The following EPC2 variants were observed in gnomAD, a reference collection of about 807,000 sequenced individuals.
The protein encoded by EPC2 is enhancer of polycomb 2, also known as enhancer of polycomb homolog 2.
EPC2 carries 14 observed loss-of-function variants against 92.1 expected under a neutral mutation model. The observed-to-expected ratio is 0.15, with a 90% CI of 0.10 to 0.24. The LOEUF (loss-of-function observed/expected upper bound fraction) is 0.24. Among genes scored for constraint, EPC2 ranks in the 10% least tolerant of loss-of-function variants. The pLI, the probability that EPC2 is intolerant of heterozygous loss-of-function variation, is 1.00. For synonymous variants in EPC2, 340 were observed against 334.7 expected (o/e 1.02, Z -0.17); for missense variants, 755 against 971.5 (o/e 0.78, Z 2.96).
intron 2 of EPC2, among the ~76,000 whole-genome samples, chr2:148,736,065 TA>T (rs1314487053): frequency 2.0e-5 from 3 of 152,166 alleles, no homozygotes; most frequent in Non-Finnish European, 4.4e-5. Flanking sequence ...GCAGGAATGA[TA>T]AAAAATTATT....
intron 1 of EPC2, among the ~76,000 whole-genome samples, chr2:148,684,030 T>A (rs747189680): frequency 6.6e-6 from 1 of 152,210 alleles, no homozygotes; most frequent in Non-Finnish European, 1.5e-5. Flanking sequence ...ATCATTACTT[T>A]TTAATTTTTA....
intron 2 of EPC2, among the ~76,000 whole-genome samples, chr2:148,710,117 CCAGAATCTA>C (rs1182546758): frequency 2.0e-5 from 3 of 152,120 alleles, no homozygotes; most frequent in Non-Finnish European, 4.4e-5. Flanking sequence ...GGGGTAATAT[CCAGAATCTA>C]CAAAGAACTT....
At chr2:148,768,306 A>C (rs1683454371) in intron 7 of EPC2, among the ~76,000 whole-genome samples, 1 of 152,212 alleles carries the variant, frequency 6.6e-6, no homozygotes, top group South Asian at 2.1e-4. Context: ...ATTTATCTAA[A>C]ACATATTATT....
intron 1 of EPC2, among the ~76,000 whole-genome samples, chr2:148,665,294 T>C (rs78391052): frequency 6.6e-6 from 1 of 152,362 alleles, no homozygotes; most frequent in East Asian, 1.9e-4. Context: ...TGTAAATCAG[T>C]AAGTAAATTA....
chr2:148,671,287 A>ATTT lies in EPC2; in HGVS notation c.154-18909_154-18907dup, dbSNP rs60048357. Among the ~76,000 whole-genome samples, 597 of 127,066 alleles carry ATTT rather than the reference A, an allele frequency of 4.7e-3. 13 individuals carry two copies. The East Asian group carries it at 0.049, about 10-fold the overall frequency. The allele number at this position is 127,066 out of a possible 152,430, so 83.4% of individuals were successfully genotyped here. A position where few individuals can be genotyped will look rare whatever the true frequency, so the allele number is the denominator to read the frequency against. On this transcript the variant is annotated intron_variant, in intron 1 of 13. Coordinates refer to ENST00000258484, the MANE Select transcript of EPC2 (RefSeq NM_015630.4). ...TGCTAAATCTCTATTGTGGATTGTG[A>ATTT]TTTTTTTTTTTTTTTTTTTTGTAGC... is the stretch of plus-strand genomic sequence containing the variant.
chr2:148,784,081 A>T (rs541574787), intron 12 of EPC2, among the ~76,000 whole-genome samples: 1 of 152,316 alleles, frequency 6.6e-6, no homozygotes, highest in Admixed American at 6.5e-5. Context: ...ATGCATTGAT[A>T]AAAAAGTGAA....
rs142110301 is a variant in EPC2, at chr2:148,745,147, G to C, written c.459+1380G>C. Among the ~76,000 whole-genome samples the C allele has an allele frequency of 7.8e-4, 118 of 152,176 alleles. 1 individual carries two copies. In the East Asian group the frequency reaches 0.02, roughly 26 times the overall value. On this transcript the variant is annotated intron_variant, in intron 3 of 13. Coordinates refer to ENST00000258484, the MANE Select transcript of EPC2 (RefSeq NM_015630.4). ...GGGAGTTCTAAAAAAGTACCAACTT[G>C]ATGTTCATTATAATTGGTGACTTAC... is the stretch of plus-strand genomic sequence containing the variant.
At chr2:148,668,613 T>C (rs1445963477) in intron 1 of EPC2, among the ~76,000 whole-genome samples, 1 of 152,228 alleles carries the variant, frequency 6.6e-6, no homozygotes, top group Non-Finnish European at 1.5e-5. Context: ...GTTTCTTTAA[T>C]ACGTATAAGG....
intron 7 of EPC2, among the ~76,000 whole-genome samples, chr2:148,767,315 T>C (rs1683429681): frequency 6.6e-6 from 1 of 152,184 alleles, no homozygotes; most frequent in Non-Finnish European, 1.5e-5. Context: ...ACTACTCATA[T>C]GTTTCTCATG....
chr2:148,761,901 GCACTTA>G lies in EPC2; in HGVS notation c.787_792del (p.His263_Leu264del). The G allele has an allele frequency of 6.3e-7, 1 of 1,595,070 alleles. No individual in the cohort carries two copies. The highest frequency in any genetic ancestry group is 8.5e-7 in the Non-Finnish European group (1 of 1,173,768). ...GAGAGAAAACAAAACGAGAATTATT[GCACTTA>G]ACCTTAGAAGTTGTGGAGAAAAGGT... On this transcript the variant is annotated inframe_deletion, in exon 5 of 14. Coordinates refer to ENST00000258484, the MANE Select transcript of EPC2 (RefSeq NM_015630.4).
chr2:148,658,607 G>GTATATATA (rs3076616), intron 1 of EPC2, among the ~76,000 whole-genome samples: 4,767 of 140,578 alleles, frequency 0.034, 126 homozygotes, highest in East Asian at 0.062. Context: ...GTGTGTGTGT[G>GTATATATA]TATATATATA....
At chr2:148,684,594 C>T (rs1445693220) in intron 1 of EPC2, among the ~76,000 whole-genome samples, 3 of 152,202 alleles carry the variant, frequency 2.0e-5, no homozygotes, top group Non-Finnish European at 2.9e-5. Flanking sequence ...TTGATACCAA[C>T]TGTTTGGTAA....
At chr2:148,712,504 T>G (rs1386883135) in intron 2 of EPC2, among the ~76,000 whole-genome samples, 1 of 152,220 alleles carries the variant, frequency 6.6e-6, no homozygotes, top group Non-Finnish European at 1.5e-5. Flanking sequence ...AAATTCTTAT[T>G]GCTTAGTGAT....
chr2:148,710,939 C>A (rs955478154), intron 2 of EPC2, among the ~76,000 whole-genome samples: 7 of 152,106 alleles, frequency 4.6e-5, no homozygotes, highest in Non-Finnish European at 8.8e-5. Flanking sequence ...CATACACACA[C>A]ACAATCTCCC....
At chr2:148,675,546 T>G (rs868309764) in intron 1 of EPC2, among the ~76,000 whole-genome samples, 4 of 152,178 alleles carry the variant, frequency 2.6e-5, no homozygotes, top group African/African-American at 9.6e-5. Context: ...CCCTCTTCTA[T>G]CTGTATAAAA....
intron 2 of EPC2, among the ~76,000 whole-genome samples, chr2:148,698,168 A>G (rs1257654478): frequency 1.3e-5 from 2 of 152,180 alleles, no homozygotes; most frequent in Admixed American, 6.5e-5. Context: ...TTTAAATGAG[A>G]TGATTTAGTA....
intron 2 of EPC2, among the ~76,000 whole-genome samples, chr2:148,696,789 T>G (rs1183646375): frequency 3.3e-5 from 5 of 152,200 alleles, no homozygotes; most frequent in African/African-American, 1.2e-4. Context: ...CACACTCCCC[T>G]GAGAGCACCT....
chr2:148,770,652 C>A lies in EPC2; in HGVS notation c.1231-140C>A, dbSNP rs558238682. ...TTAACCTGATTAATAGTCAATGAAGCCCCACTTTTACAGTTTTATATCTAG... is the reference window on the plus strand; with the variant it reads ...TTAACCTGATTAATAGTCAATGAAGACCCACTTTTACAGTTTTATATCTAG... On this transcript the variant is annotated intron_variant, in intron 8 of 13. Transcript: ENST00000258484. 2.8e-4 allele frequency: 258 copies of A among 932,202 alleles called. 1 individual carries two copies. In the African/African-American group the frequency reaches 4.1e-3, roughly 15 times the overall value. 57.7% of individuals were successfully genotyped at this position (932,202 alleles called of 1,614,324 possible).
At chr2:148,746,791 C>T (rs569998352) in intron 3 of EPC2, among the ~76,000 whole-genome samples, 5 of 151,718 alleles carry the variant, frequency 3.3e-5, no homozygotes, top group South Asian at 2.1e-4. Context: ...TGTAACTTCC[C>T]ACCCTCAAAA....
Sources: gnomAD v4.1 joint callset for allele counts (sites outside exome capture counted in the v4.1 genomes callset) on GRCh38, gnomAD v4.1.1 for gene constraint, MANE v1.5 for transcripts, NCBI Gene and HGNC (gene_info 2026-07-23, HGNC 2026-07-21) for gene names.